RSU1: variants seen among roughly 807,000 people sequenced by gnomAD.
The protein encoded by RSU1 is rsu-1.
In RSU1, 26 loss-of-function variants were observed where a neutral mutation model predicts 31.1. That is an observed-to-expected ratio of 0.84 (90% CI 0.61 to 1.16). The LOEUF (loss-of-function observed/expected upper bound fraction) is 1.16. RSU1 is among the 50% of genes most tolerant of loss of function. The pLI is 0.00. For missense variants in RSU1, 320 were observed against 339.1 expected, an observed-to-expected ratio of 0.94 and a Z score of 0.44; for synonymous variants, 164 against 136.3, an observed-to-expected ratio of 1.20 and a Z score of -1.41.
At chr10:16,667,968 A>C (rs1312217229) in intron 8 of RSU1, among the ~76,000 whole-genome samples, 1 of 152,192 alleles carries the variant, frequency 6.6e-6, no homozygotes, top group African/African-American at 2.4e-5. Context: ...ATAAATATAA[A>C]TATATGAGAA....
At chr10:16,734,613 A>G (rs1836587021) in intron 7 of RSU1, among the ~76,000 whole-genome samples, 1 of 152,240 alleles carries the variant, frequency 6.6e-6, no homozygotes, top group Admixed American at 6.5e-5. Context: ...TGAAAAGATG[A>G]AAAATAATGG....
In RSU1 at chr10:16,722,870, A is replaced by T. The variant is rs1241006570; in HGVS notation, c.599-27715T>A. ...TATACACACATATATACATATATGTATATATACACACATATACATATATGT... is the reference window on the plus strand; with the variant it reads ...TATACACACATATATACATATATGTTTATATACACACATATACATATATGT... On this transcript the variant is annotated intron_variant, in intron 7 of 8. Transcript: ENST00000345264. 6.3e-5 allele frequency among the ~76,000 whole-genome samples: 9 copies of T among 143,456 alleles called. No individual in the cohort carries two copies. In the Admixed American group the frequency reaches 6.4e-4, roughly 10 times the overall value. The allele number at this position is 143,456 out of a possible 152,430, so 94.1% of individuals were successfully genotyped here.
chr10:16,638,946 C>A (rs1392319817), intron 8 of RSU1, among the ~76,000 whole-genome samples: 1 of 152,082 alleles, frequency 6.6e-6, no homozygotes, highest in East Asian at 1.9e-4. Flanking sequence ...TTTGTAAAAC[C>A]CAGACTTGGC....
At chr10:16,769,670 A>G (rs61843960) in intron 3 of RSU1, among the ~76,000 whole-genome samples, 13,273 of 152,244 alleles carry the variant, frequency 0.087, 854 homozygotes, top group East Asian at 0.18. Context: ...CTGGTCTGGG[A>G]ACCCTCTTTT....
intron 2 of RSU1, among the ~76,000 whole-genome samples, chr10:16,814,457 A>G (rs1838481624): frequency 6.9e-6 from 1 of 144,776 alleles, no homozygotes; most frequent in African/African-American, 2.7e-5. Flanking sequence ...TCAGGAAAAA[A>G]AAAAAAAAAA....
chr10:16,679,684 C>T (rs1181924376), intron 8 of RSU1, among the ~76,000 whole-genome samples: 1 of 152,056 alleles, frequency 6.6e-6, no homozygotes, highest in Non-Finnish European at 1.5e-5. Flanking sequence ...TGGGATGTAA[C>T]CCGGCCTTGT....
chr10:16,817,321 A>T lies in RSU1; in HGVS notation c.-10T>A. On this transcript the variant is annotated 5_prime_UTR_variant, in exon 1 of 9. Transcript: ENST00000345264. ...CAACACCGCACACACTCACCACGGA[A>T]GGTAGCCCCTAAGACGATGGGCGTG... 1.9e-6 allele frequency: 1 copy of T among 513,712 alleles called. No individual in the cohort carries two copies. Among genetic ancestry groups the T allele is most frequent in the East Asian group, 3.4e-5 (1 of 29,300 alleles). 31.8% of individuals were successfully genotyped at this position (513,712 alleles called of 1,614,324 possible). A position where few individuals can be genotyped will look rare whatever the true frequency, so the allele number is the denominator to read the frequency against.
chr10:16,666,780 G>C (rs1834996871), intron 8 of RSU1, among the ~76,000 whole-genome samples: 1 of 152,016 alleles, frequency 6.6e-6, no homozygotes, highest in South Asian at 2.1e-4. Flanking sequence ...TTGAGGTCAG[G>C]AGTTCAAGAC....
chr10:16,716,888 C>G (rs186329807), intron 7 of RSU1, among the ~76,000 whole-genome samples: 1 of 152,100 alleles, frequency 6.6e-6, no homozygotes, highest in South Asian at 2.1e-4. Context: ...CATATGATCA[C>G]GTAATCTTAA....
intron 8 of RSU1, among the ~76,000 whole-genome samples, chr10:16,679,869 GTTTTTTTT>G (rs71374699): frequency 0.55 from 68,689 of 125,522 alleles, 17,417 homozygotes; most frequent in Middle Eastern, 0.63. Context: ...AAAGACTCAA[GTTTTTTTT>G]TTTTTTTTTT....
intron 7 of RSU1, among the ~76,000 whole-genome samples, chr10:16,730,820 C>G (rs75566256): frequency 0.012 from 1,758 of 152,092 alleles, 41 homozygotes; most frequent in African/African-American, 0.039. Flanking sequence ...CACTGTAAAG[C>G]AATGTTGTTG....
intron 2 of RSU1, among the ~76,000 whole-genome samples, chr10:16,795,904 T>C (rs1452917472): frequency 1.3e-5 from 2 of 152,268 alleles, no homozygotes; most frequent in East Asian, 3.9e-4. Context: ...CGTTTCTCTA[T>C]CACTCTCCAT....
chr10:16,660,645 C>CTCTTTTTTT (rs1554764414), intron 8 of RSU1, among the ~76,000 whole-genome samples: 4 of 79,542 alleles, frequency 5.0e-5, no homozygotes, highest in African/African-American at 2.4e-4. Flanking sequence ...CTTGAACTCT[C>CTCTTTTTTT]TTTTTTTTTT....
At chr10:16,629,876 T>C (rs537371907) in intron 8 of RSU1, among the ~76,000 whole-genome samples, 1 of 152,292 alleles carries the variant, frequency 6.6e-6, no homozygotes, top group African/African-American at 2.4e-5. Flanking sequence ...GACAGTCCTG[T>C]ATGATGAATA....
chr10:16,814,654 G>T, intron 2 of RSU1, among the ~76,000 whole-genome samples: 1 of 152,128 alleles, frequency 6.6e-6, no homozygotes, highest in Non-Finnish European at 1.5e-5. Flanking sequence ...GCAGAGAGCA[G>T]CCTTGGCTCA....
At chr10:16,702,284 A>C (rs1001620993) in intron 7 of RSU1, among the ~76,000 whole-genome samples, 2 of 152,242 alleles carry the variant, frequency 1.3e-5, no homozygotes, top group African/African-American at 4.8e-5. Context: ...GTTGGAGCCC[A>C]GACACACAGT....
At chr10:16,752,064 G>A (rs998870704) in intron 7 of RSU1, among the ~76,000 whole-genome samples, 50 of 152,128 alleles carry the variant, frequency 3.3e-4, no homozygotes, top group African/African-American at 1.1e-3. Context: ...TTCACGACCC[G>A]CAGAGGTATC....
rs369187167 is a variant in RSU1, at chr10:16,688,526, G to A, written c.731+6497C>T. 5.3e-5 allele frequency among the ~76,000 whole-genome samples: 8 copies of A among 152,046 alleles called. No individual in the cohort carries two copies. The South Asian group carries it at 8.3e-4, about 16-fold the overall frequency. ...CGGGAGGCTGAGGCAGGAGAATGGC[G>A]TGAACCCGGAAGGCGGAGCTTGCAG... On this transcript the variant is annotated intron_variant, in intron 8 of 8. Coordinates refer to ENST00000345264, the MANE Select transcript of RSU1 (RefSeq NM_012425.4).
chr10:16,623,722 G>T (rs1435594595), intron 8 of RSU1, among the ~76,000 whole-genome samples: 1 of 152,134 alleles, frequency 6.6e-6, no homozygotes, highest in East Asian at 1.9e-4. Context: ...ATTCTGACTG[G>T]TGTGAGATAG....
Sources: allele counts gnomAD v4.1 joint callset (sites outside exome capture counted in the v4.1 genomes callset), GRCh38; gene constraint gnomAD v4.1.1; transcripts MANE v1.5; gene names NCBI Gene and HGNC (gene_info 2026-07-23, HGNC 2026-07-21).